Variants in MACROD1 observed in about 807,000 individuals in gnomAD.
MACROD1 encodes the protein ADP-ribose glycohydrolase MACROD1.
Under a neutral mutation model 41.4 loss-of-function variants are expected in MACROD1, and 31 were observed. The ratio of observed to expected loss-of-function variants is 0.75; its 90% CI spans 0.56 to 1.01. MACROD1 has a LOEUF of 1.01. MACROD1 is among the 50% of genes least tolerant of loss of function. The pLI is 0.00. For synonymous variants in MACROD1, 252 were observed against 203.4 expected (o/e 1.24, Z -2.03); for missense variants, 473 against 460.0 (o/e 1.03, Z -0.26).
At chr11:64,116,190 T>G in intron 3 of MACROD1, 11 of 1,513,594 alleles carry the variant, frequency 7.3e-6, no homozygotes, top group Non-Finnish European at 9.7e-6. Context: ...CGCCTCCCTC[T>G]CACTGCCCCT....
Position 64,165,900 on chromosome 11 carries a change from G to A in MACROD1, c.95C>T (p.Ala32Val). ...VPPRPRPGHLAGATRTRSSTC... is the reference protein window; with the variant it reads ...VPPRPRPGHLVGATRTRSSTC... ...GCTGCTGCGGGTCCTCGTGGCACCC[G>A]CCAAGTGTCCGGGCCGGGGGCGCGG... The change falls in exon 1 of 11, where the codon GCG becomes GTG. Residue 32 changes from alanine (A) to valine (V), a missense_variant. Coordinates refer to ENST00000255681, the MANE Select transcript of MACROD1 (RefSeq NM_014067.4). 1 of 1,376,658 alleles carries A rather than the reference G, an allele frequency of 7.3e-7. No homozygotes were observed. The highest frequency in any genetic ancestry group is 9.3e-7 in the Non-Finnish European group (1 of 1,070,462). 85.3% of individuals were successfully genotyped at this position (1,376,658 alleles called of 1,614,324 possible). A position where few individuals can be genotyped will look rare whatever the true frequency, so the allele number is the denominator to read the frequency against.
At chr11:64,085,061 G>A (rs995766588) in intron 3 of MACROD1, among the ~76,000 whole-genome samples, 9 of 152,240 alleles carry the variant, frequency 5.9e-5, no homozygotes, top group African/African-American at 1.9e-4. Flanking sequence ...GCTCAGAGAG[G>A]TTCAGTCATT....
intron 1 of MACROD1, among the ~76,000 whole-genome samples, chr11:64,162,457 A>C (rs1367767675): frequency 6.6e-6 from 1 of 152,062 alleles, no homozygotes; most frequent in African/African-American, 2.4e-5. Flanking sequence ...AGCTATGATT[A>C]CACCACTGCA....
intron 3 of MACROD1, among the ~76,000 whole-genome samples, chr11:64,134,128 G>A (rs1945301505): frequency 6.6e-6 from 1 of 152,250 alleles, no homozygotes. Flanking sequence ...AGATGACAGA[G>A]GTGGCCATCA....
At chr11:64,072,750 A>G (rs1944132558) in intron 3 of MACROD1, among the ~76,000 whole-genome samples, 1 of 152,188 alleles carries the variant, frequency 6.6e-6, no homozygotes, top group Non-Finnish European at 1.5e-5. Context: ...TTAAGAAGCA[A>G]CTGCTTTTGG....
chr11:64,081,933 A>T (rs927118495), intron 3 of MACROD1: 1 of 152,146 alleles, frequency 6.6e-6, no homozygotes, highest in African/African-American at 2.4e-5. Flanking sequence ...CCGGCTCTCG[A>T]GTGCCGCGTT....
intron 4 of MACROD1, chr11:64,001,242 T>G (rs1590787899): frequency 1.7e-6 from 1 of 600,226 alleles, no homozygotes; most frequent in Non-Finnish European, 3.0e-6. Flanking sequence ...TCATCGGCTG[T>G]GAGATCCTGC....
intron 3 of MACROD1, among the ~76,000 whole-genome samples, chr11:64,138,903 G>A (rs899786569): frequency 7.2e-5 from 11 of 152,104 alleles, no homozygotes; most frequent in Non-Finnish European, 1.3e-4. Flanking sequence ...GAGTAGCTGG[G>A]ATTACAGGCA....
At chr11:64,061,701 A>T (rs12284106) in intron 3 of MACROD1, among the ~76,000 whole-genome samples, 3,496 of 139,036 alleles carry the variant, frequency 0.025, 131 homozygotes, top group African/African-American at 0.086. Context: ...AGTAAATGAG[A>T]CTTTTTTTTT....
intron 3 of MACROD1, among the ~76,000 whole-genome samples, chr11:64,109,978 G>A (rs1364867000): frequency 6.6e-6 from 1 of 152,132 alleles, no homozygotes; most frequent in Non-Finnish European, 1.5e-5. Context: ...CAGAGACTTG[G>A]GGCAGCTTTT....
intron 3 of MACROD1, among the ~76,000 whole-genome samples, chr11:64,097,802 C>T (rs574329988): frequency 3.7e-4 from 56 of 152,308 alleles, no homozygotes; most frequent in African/African-American, 1.3e-3. Context: ...CCTCCAGAGG[C>T]CTTCCTGCTC....
At chr11:64,068,697 G>C (rs1028837752) in intron 3 of MACROD1, among the ~76,000 whole-genome samples, 1 of 152,230 alleles carries the variant, frequency 6.6e-6, no homozygotes, top group South Asian at 2.1e-4. Flanking sequence ...TCACGTGTCT[G>C]TCTCTCCCAG....
intron 3 of MACROD1, among the ~76,000 whole-genome samples, chr11:64,060,932 C>T (rs987859323): frequency 1.3e-5 from 2 of 151,808 alleles, no homozygotes; most frequent in African/African-American, 2.4e-5. Context: ...GGCGGGCATG[C>T]GCACCGCGGC....
chr11:64,069,234 C>G (rs1590865535), intron 3 of MACROD1, among the ~76,000 whole-genome samples: 1 of 152,234 alleles, frequency 6.6e-6, no homozygotes, highest in East Asian at 1.9e-4. Flanking sequence ...GCGCCTTCAC[C>G]TGGATCCGCA....
At chr11:64,149,233 T>C (rs549178541) in intron 3 of MACROD1, among the ~76,000 whole-genome samples, 1 of 152,146 alleles carries the variant, frequency 6.6e-6, no homozygotes, top group Non-Finnish European at 1.5e-5. Context: ...TCCCGCCAGG[T>C]GCTGAGTGAC....
chr11:64,063,444 G>T (rs943425054), intron 3 of MACROD1, among the ~76,000 whole-genome samples: 2 of 152,094 alleles, frequency 1.3e-5, no homozygotes, highest in South Asian at 4.1e-4. Context: ...GACTTCCAGG[G>T]GTGGCGAATT....
At chr11:64,156,623 G>A (rs1382946660) in intron 1 of MACROD1, among the ~76,000 whole-genome samples, 2 of 152,188 alleles carry the variant, frequency 1.3e-5, no homozygotes, top group African/African-American at 2.4e-5. Context: ...ACACATAAGC[G>A]AGAGGAACCT....
intron 3 of MACROD1, among the ~76,000 whole-genome samples, chr11:64,058,715 G>A (rs2845566): frequency 0.025 from 3,744 of 152,326 alleles, 150 homozygotes; most frequent in African/African-American, 0.084. Flanking sequence ...CCTGGCCAGC[G>A]ATGCCAATTA....
chr11:64,126,530 C>G (rs1001852568), intron 3 of MACROD1, among the ~76,000 whole-genome samples: 2 of 152,162 alleles, frequency 1.3e-5, no homozygotes, highest in Non-Finnish European at 2.9e-5. Context: ...TTAAGAGCCA[C>G]CAACAGTAAT....
Sources: gnomAD v4.1 joint callset for allele counts (sites outside exome capture counted in the v4.1 genomes callset) on GRCh38, gnomAD v4.1.1 for gene constraint, MANE v1.5 for transcripts, NCBI Gene and HGNC (gene_info 2026-07-23, HGNC 2026-07-21) for gene names.